The following IREB2 variants were observed in gnomAD, a reference collection of about 807,000 sequenced individuals.
IREB2 encodes the protein iron responsive element binding protein 2, also known as iron-responsive element-binding protein 2.
Under a neutral mutation model 118.8 loss-of-function variants are expected in IREB2, and 39 were observed. The ratio of observed to expected loss-of-function variants is 0.33; its 90% CI spans 0.25 to 0.43. The LOEUF (loss-of-function observed/expected upper bound fraction) is 0.43. Among genes scored for constraint, IREB2 ranks in the 20% least tolerant of loss-of-function variants. The pLI, the probability that IREB2 is intolerant of heterozygous loss-of-function variation, is 1.00. For synonymous variants in IREB2, 372 were observed against 392.2 expected (o/e 0.95, Z 0.61); for missense variants, 900 against 1,147.3 (o/e 0.78, Z 3.11).
chr15:78,471,252 G>A (rs1039704697), intron 6 of IREB2, among the ~76,000 whole-genome samples: 1 of 152,186 alleles, frequency 6.6e-6, no homozygotes, highest in Non-Finnish European at 1.5e-5. Flanking sequence ...CAAGCCATCT[G>A]CCTGCCTTGG....
chr15:78,496,169 T>C (rs931811782), intron 20 of IREB2, among the ~76,000 whole-genome samples: 2 of 152,248 alleles, frequency 1.3e-5, no homozygotes, highest in Non-Finnish European at 2.9e-5. Flanking sequence ...CATTGTCTTC[T>C]AAATCACTTA....
chr15:78,450,019 T>A (rs2050996946), intron 2 of IREB2, among the ~76,000 whole-genome samples: 1 of 152,206 alleles, frequency 6.6e-6, no homozygotes, highest in Non-Finnish European at 1.5e-5. Flanking sequence ...AAATTCCTGA[T>A]TAGAAGAGGC....
chr15:78,472,074 G>C, intron 7 of IREB2, 150 bp downstream of exon 7: 2 of 554,770 alleles, frequency 3.6e-6, no homozygotes. Context: ...AATCCTAATT[G>C]AGAGTTTGTG....
At chr15:78,459,082 A>G (rs1015305463) in intron 2 of IREB2, among the ~76,000 whole-genome samples, 1 of 152,116 alleles carries the variant, frequency 6.6e-6, no homozygotes, top group Admixed American at 6.5e-5. Context: ...ATGTGCCACC[A>G]TACCTGGCCA....
chr15:78,476,503 G>T (rs1468583073), intron 9 of IREB2, 144 bp downstream of exon 9: 3 of 574,038 alleles, frequency 5.2e-6, no homozygotes, highest in Non-Finnish European at 8.7e-6. Flanking sequence ...GCAAACATCA[G>T]ATGTCTTTAA....
intron 6 of IREB2, among the ~76,000 whole-genome samples, chr15:78,471,248 A>G (rs1395706615): frequency 1.3e-5 from 2 of 152,214 alleles, no homozygotes; most frequent in Non-Finnish European, 2.9e-5. Flanking sequence ...GCCTCAAGCC[A>G]TCTGCCTGCC....
chr15:78,493,769 G>A (rs78939711), intron 18 of IREB2, 140 bp from the exon 19 acceptor site: 19 of 660,240 alleles, frequency 2.9e-5, no homozygotes, highest in African/African-American at 3.6e-5. Flanking sequence ...GGTGATAGGC[G>A]CATGGACATT....
chr15:78,470,780 C>T (rs1415516113), intron 6 of IREB2, 179 bp downstream of exon 6: 12 of 389,302 alleles, frequency 3.1e-5, no homozygotes, highest in Non-Finnish European at 5.1e-5. Flanking sequence ...CTGCAGCCTC[C>T]ACCTCCTGGG....
chr15:78,467,217 A>G (rs1182528594), intron 5 of IREB2, among the ~76,000 whole-genome samples: 1 of 151,798 alleles, frequency 6.6e-6, no homozygotes. Context: ...GCAAAAAAAA[A>G]AAAAAAAAGA....
At chr15:78,482,778 C>T (rs182169292) in intron 10 of IREB2, among the ~76,000 whole-genome samples, 4 of 150,236 alleles carry the variant, frequency 2.7e-5, no homozygotes, top group South Asian at 2.1e-4. Context: ...GACGGAGTCT[C>T]GCTGTGTTAC....
intron 8 of IREB2, chr15:78,473,926 A>G (rs1356770296): frequency 6.6e-6 from 1 of 152,232 alleles, no homozygotes; most frequent in Non-Finnish European, 1.5e-5. Flanking sequence ...CTGTTGCTCT[A>G]CTAAGTAATG....
At chr15:78,494,733 T>A (rs1191754794) in intron 20 of IREB2, among the ~76,000 whole-genome samples, 1 of 152,136 alleles carries the variant, frequency 6.6e-6, no homozygotes, top group African/African-American at 2.4e-5. Flanking sequence ...TTACCACACC[T>A]GGCCAATTTT....
At chr15:78,451,162 C>A (rs2051019832) in intron 2 of IREB2, among the ~76,000 whole-genome samples, 1 of 152,014 alleles carries the variant, frequency 6.6e-6, no homozygotes, top group Non-Finnish European at 1.5e-5. Context: ...GATGGGATTT[C>A]ACCATGTTGG....
chr15:78,454,552 G>A (rs1275388250), intron 2 of IREB2, among the ~76,000 whole-genome samples: 1 of 152,148 alleles, frequency 6.6e-6, no homozygotes, highest in African/African-American at 2.4e-5. Context: ...GAGATCTGTT[G>A]GGATGATGAA....
intron 2 of IREB2, among the ~76,000 whole-genome samples, chr15:78,442,697 G>A (rs922566983): frequency 6.6e-6 from 1 of 152,200 alleles, no homozygotes; most frequent in African/African-American, 2.4e-5. Flanking sequence ...AACGAAGTGT[G>A]GAGATTGGCA....
chr15:78,445,273 G>C (rs1172879552), intron 2 of IREB2, among the ~76,000 whole-genome samples: 1 of 152,110 alleles, frequency 6.6e-6, no homozygotes, highest in Non-Finnish European at 1.5e-5. Flanking sequence ...GAGTAGCTGG[G>C]ATTACAGGCC....
intron 10 of IREB2, among the ~76,000 whole-genome samples, chr15:78,482,467 A>T (rs1480379949): frequency 6.6e-6 from 1 of 152,224 alleles, no homozygotes; most frequent in Non-Finnish European, 1.5e-5. Flanking sequence ...CCTGAGTTGC[A>T]GCAGGCTGGC....
At position 78,473,395 on chromosome 15, in the gene IREB2, G is replaced by A. The variant is rs776091139; in HGVS notation, c.1023+14G>A. ...GGTATTACAAAGGTAAGTTAAAGTT[G>A]TGGTAGCTCTATGACTTACTGAACA... On this transcript the variant is annotated intron_variant, in intron 8 of 21. Coordinates refer to ENST00000258886, the MANE Select transcript of IREB2 (RefSeq NM_004136.4). 3 of 1,608,982 alleles carry A rather than the reference G, an allele frequency of 1.9e-6. No individual in the cohort carries two copies. Among genetic ancestry groups the A allele is most frequent in the South Asian group, 1.1e-5 (1 of 90,688 alleles).
chr15:78,460,302 T>C (rs2141471844), intron 2 of IREB2, among the ~76,000 whole-genome samples: 1 of 152,360 alleles, frequency 6.6e-6, no homozygotes. Context: ...TCTATTTGGT[T>C]ACCTGAAAGG....
Sources: gnomAD v4.1 joint callset for allele counts (sites outside exome capture counted in the v4.1 genomes callset) on GRCh38, gnomAD v4.1.1 for gene constraint, MANE v1.5 for transcripts, NCBI Gene and HGNC (gene_info 2026-07-23, HGNC 2026-07-21) for gene names.